Variants in ATP8A2 observed in about 807,000 individuals in gnomAD.
ATP8A2 encodes the protein phospholipid-transporting ATPase IB.
In ATP8A2, 100 loss-of-function variants were observed where a neutral mutation model predicts 165.6. That is an observed-to-expected ratio of 0.60 (90% CI 0.51 to 0.71). ATP8A2 has a LOEUF of 0.71. Ranked by LOEUF, ATP8A2 falls within the 30% of genes least tolerant of loss-of-function variation. The probability of loss-of-function intolerance (pLI) is 0.00; values close to 1 mark genes in which losing one functional copy is unlikely to be tolerated. For synonymous variants in ATP8A2, 543 were observed against 548.8 expected (o/e 0.99, Z 0.15); for missense variants, 1,227 against 1,479.5 (o/e 0.83, Z 2.80).
chr13:25,842,539 G>C (rs1951767508), intron 30 of ATP8A2, among the ~76,000 whole-genome samples: 3 of 152,112 alleles, frequency 2.0e-5, no homozygotes, highest in Non-Finnish European at 2.9e-5. Context: ...GGGTGTGGTG[G>C]CAGGCACCTA....
intron 15 of ATP8A2, among the ~76,000 whole-genome samples, chr13:25,563,676 G>T (rs1461721220): frequency 6.6e-6 from 1 of 152,166 alleles, no homozygotes; most frequent in East Asian, 1.9e-4. Context: ...GCCAGCCATT[G>T]TCTTGATCCC....
intron 27 of ATP8A2, among the ~76,000 whole-genome samples, chr13:25,817,659 C>T (rs1333689734): frequency 6.6e-6 from 1 of 151,836 alleles, no homozygotes; most frequent in Non-Finnish European, 1.5e-5. Context: ...ATTAAAATTC[C>T]AGTCCTTTTA....
chr13:25,771,037 C>T (rs1452107061), intron 26 of ATP8A2, among the ~76,000 whole-genome samples: 1 of 152,246 alleles, frequency 6.6e-6, no homozygotes, highest in Non-Finnish European at 1.5e-5. Context: ...CTTCTCAGCT[C>T]ACAGTTCTGC....
intron 33 of ATP8A2, among the ~76,000 whole-genome samples, chr13:25,945,981 C>T (rs1294600139): frequency 1.3e-5 from 2 of 152,172 alleles, no homozygotes; most frequent in Non-Finnish European, 2.9e-5. Context: ...CATTCTAGGA[C>T]CTCTCAGGGT....
chr13:25,916,989 C>T (rs1954287203), intron 33 of ATP8A2, among the ~76,000 whole-genome samples: 2 of 152,088 alleles, frequency 1.3e-5, no homozygotes, highest in African/African-American at 4.8e-5. Context: ...TTTCTGGCAC[C>T]AACATCCTTA....
rs749986570 is a variant in ATP8A2, at chr13:25,468,973, G to T, written c.77-4G>T. Reference sequence around the variant, plus strand: ...TATTCTCTGCCTGCGCCCTGTCTCTGCAGGACCTGTTCGTTCTTCTTTGGG... The same window carrying T: ...TATTCTCTGCCTGCGCCCTGTCTCTTCAGGACCTGTTCGTTCTTCTTTGGG... On this transcript the variant is annotated splice_polypyrimidine_tract_variant and splice_region_variant and intron_variant, in intron 1 of 36. Coordinates refer to ENST00000381655, the MANE Select transcript of ATP8A2 (RefSeq NM_016529.6). 1.2e-6 allele frequency: 2 copies of T among 1,613,808 alleles called. No homozygotes were observed. Among genetic ancestry groups the T allele is most frequent in the Admixed American group, 3.3e-5 (2 of 60,010 alleles).
At chr13:25,999,896 GT>G (rs1208294424) in intron 35 of ATP8A2, among the ~76,000 whole-genome samples, 1 of 152,142 alleles carries the variant, frequency 6.6e-6, no homozygotes, top group Non-Finnish European at 1.5e-5. Context: ...TCTTATTGAA[GT>G]TTTAGGCTGG....
chr13:25,385,890 C>T (rs549414855), intron 1 of ATP8A2, among the ~76,000 whole-genome samples: 11 of 151,188 alleles, frequency 7.3e-5, no homozygotes, highest in Non-Finnish European at 1.5e-4. Context: ...ATGAGGTCTC[C>T]CTGTGTTGCC....
chr13:25,947,539 C>A (rs7988491), intron 33 of ATP8A2, among the ~76,000 whole-genome samples: 8,024 of 152,156 alleles, frequency 0.053, 663 homozygotes, highest in African/African-American at 0.18. Flanking sequence ...GCCTCAAGGC[C>A]AAGAGGGTCT....
chr13:25,818,746 G>C (rs1312062021), intron 27 of ATP8A2, among the ~76,000 whole-genome samples: 5 of 152,112 alleles, frequency 3.3e-5, no homozygotes, highest in Non-Finnish European at 1.5e-5. Context: ...TTAACATCAA[G>C]TATTAATATT....
At chr13:25,722,019 T>C (rs1210072253) in intron 25 of ATP8A2, among the ~76,000 whole-genome samples, 7 of 152,214 alleles carry the variant, frequency 4.6e-5, no homozygotes, top group African/African-American at 1.7e-4. Flanking sequence ...TGAGGAACCA[T>C]GAAACTGTTT....
At chr13:25,983,917 A>G (rs1186470848) in intron 35 of ATP8A2, among the ~76,000 whole-genome samples, 1 of 152,124 alleles carries the variant, frequency 6.6e-6, no homozygotes, top group Non-Finnish European at 1.5e-5. Context: ...GCAGGGGACG[A>G]GAATGACACA....
At chr13:25,863,043 A>T (rs1952402372) in intron 33 of ATP8A2, among the ~76,000 whole-genome samples, 1 of 152,178 alleles carries the variant, frequency 6.6e-6, no homozygotes, top group Non-Finnish European at 1.5e-5. Flanking sequence ...TTGGGTGTGG[A>T]GAGGAATGAG....
intron 24 of ATP8A2, among the ~76,000 whole-genome samples, chr13:25,630,740 T>A (rs938153454): frequency 7.9e-5 from 12 of 152,150 alleles, no homozygotes; most frequent in Non-Finnish European, 1.5e-4. Context: ...AAATGGAGTG[T>A]TGACTGCGAA....
In ATP8A2 at chr13:25,800,937, A is replaced by G. The variant is rs560266724; in HGVS notation, c.2679+25978A>G. Among the ~76,000 whole-genome samples the G allele has an allele frequency of 9.2e-5, 14 of 152,284 alleles. No homozygotes were observed. In the East Asian group the frequency reaches 2.5e-3, roughly 27 times the overall value. ...ATTCTGAGCAGAGGCAGCAGAAAGC[A>G]TCTTTCAGGGTCGAGAATTTCTGAG... On this transcript the variant is annotated intron_variant, in intron 27 of 36. Coordinates refer to ENST00000381655, the MANE Select transcript of ATP8A2 (RefSeq NM_016529.6).
At chr13:25,938,999 C>T (rs559211258) in intron 33 of ATP8A2, among the ~76,000 whole-genome samples, 4 of 152,246 alleles carry the variant, frequency 2.6e-5, no homozygotes, top group East Asian at 1.9e-4. Flanking sequence ...CGCACCACCA[C>T]GCCCGGCTAA....
chr13:25,787,340 C>T (rs761592577), intron 27 of ATP8A2, among the ~76,000 whole-genome samples: 1 of 152,222 alleles, frequency 6.6e-6, no homozygotes, highest in Non-Finnish European at 1.5e-5. Flanking sequence ...ATTCCAATTT[C>T]TTCTACTCAA....
chr13:25,545,903 G>A (rs1284870811), intron 10 of ATP8A2, among the ~76,000 whole-genome samples: 1 of 152,140 alleles, frequency 6.6e-6, no homozygotes, highest in African/African-American at 2.4e-5. Context: ...CCAAAGTGTT[G>A]GGATTACAGG....
intron 33 of ATP8A2, chr13:25,868,022 T>TC (rs1456694919): frequency 4.8e-6 from 2 of 416,034 alleles, no homozygotes; most frequent in African/African-American, 4.1e-5. Flanking sequence ...CCATCCCAGG[T>TC]GGGGCGCTCA....
Sources: allele counts gnomAD v4.1 joint callset (sites outside exome capture counted in the v4.1 genomes callset), GRCh38; gene constraint gnomAD v4.1.1; transcripts MANE v1.5; gene names NCBI Gene and HGNC (gene_info 2026-07-23, HGNC 2026-07-21).